Variants in LMF1 observed in about 807,000 individuals in gnomAD.
The protein encoded by LMF1 is lipase maturation factor 1.
LMF1 carries 68 observed loss-of-function variants against 60.6 expected under a neutral mutation model. That is an observed-to-expected ratio of 1.12 (90% confidence interval 0.92 to 1.37). LMF1 has a LOEUF of 1.37. LMF1 is among the 40% of genes most tolerant of loss of function. The pLI is 0.00. For missense variants in LMF1, 948 were observed against 767.2 expected (o/e 1.24, Z -2.78); for synonymous variants, 418 against 324.7 (o/e 1.29, Z -3.09).
chr16:968,509 C>G (rs529763768), intron 1 of LMF1: 1 of 152,170 alleles, frequency 6.6e-6, no homozygotes, highest in East Asian at 1.9e-4. Flanking sequence ...CAGGGAGTAG[C>G]GCACAGTCCC....
chr16:867,918 G>T (rs887804486), intron 10 of LMF1, among the ~76,000 whole-genome samples: 2 of 152,112 alleles, frequency 1.3e-5, no homozygotes, highest in Non-Finnish European at 2.9e-5. Context: ...CCGCCCTCCG[G>T]CTCCTTGGCT....
chr16:877,565 CTGA>C (rs1218439923), intron 6 of LMF1, among the ~76,000 whole-genome samples: 1 of 152,154 alleles, frequency 6.6e-6, no homozygotes, highest in African/African-American at 2.4e-5. Context: ...CATCTCGTGA[CTGA>C]TGGAGAAACG....
chr16:865,043 G>T (rs1267035015), intron 10 of LMF1, among the ~76,000 whole-genome samples: 1 of 152,072 alleles, frequency 6.6e-6, no homozygotes, highest in Non-Finnish European at 1.5e-5. Flanking sequence ...CTTTCCTATG[G>T]GTTATGTAAG....
chr16:895,613 C>T (rs985043224), intron 4 of LMF1, among the ~76,000 whole-genome samples: 6 of 152,220 alleles, frequency 3.9e-5, no homozygotes, highest in South Asian at 2.1e-4. Flanking sequence ...ACATGGGGCT[C>T]GCGAGACTGG....
intron 6 of LMF1, chr16:872,994 T>TG (rs1449183482): frequency 6.6e-6 from 1 of 152,168 alleles, no homozygotes; most frequent in Non-Finnish European, 1.5e-5. Context: ...GTGGGCTCAG[T>TG]GGGGAACTCT....
At chr16:931,237 T>G (rs2071774333) in intron 3 of LMF1, among the ~76,000 whole-genome samples, 1 of 152,242 alleles carries the variant, frequency 6.6e-6, no homozygotes, top group South Asian at 2.1e-4. Context: ...TCATTTAGTT[T>G]TAATTAATTT....
At chr16:964,816 T>A (rs2072890391) in intron 1 of LMF1, among the ~76,000 whole-genome samples, 1 of 152,226 alleles carries the variant, frequency 6.6e-6, no homozygotes, top group South Asian at 2.1e-4. Context: ...CTACAAGGGC[T>A]GCGGTGAGAC....
At chr16:889,148 G>A (rs1302265473) in intron 5 of LMF1, among the ~76,000 whole-genome samples, 2 of 152,232 alleles carry the variant, frequency 1.3e-5, no homozygotes, top group East Asian at 3.8e-4. Flanking sequence ...AGAGATCTGG[G>A]AACACGACGT....
rs74624235 is a variant in LMF1, at chr16:860,265, C to T, written c.1530-5559G>A. ...TTTTAATGAATTTCAATTAATTTTT[C>T]CTTTCACAGATCATCTTTAAGTATA... On this transcript the variant is annotated intron_variant, in intron 10 of 10. Coordinates refer to ENST00000262301, the MANE Select transcript of LMF1 (RefSeq NM_022773.4). Among the ~76,000 whole-genome samples, 1,073 of 152,024 alleles carry T rather than the reference C, an allele frequency of 7.1e-3. 6 individuals are homozygous for T. The highest frequency in any genetic ancestry group is 0.025 in the African/African-American group (1,019 of 41,460).
At chr16:888,155 G>A (rs955414960) in intron 5 of LMF1, among the ~76,000 whole-genome samples, 15 of 152,000 alleles carry the variant, frequency 9.9e-5, no homozygotes, top group African/African-American at 2.7e-4. Context: ...CCAAGCCTTG[G>A]GGTGCAGGGG....
chr16:955,018 A>ACG (rs2072644890), intron 1 of LMF1, among the ~76,000 whole-genome samples: 4 of 151,632 alleles, frequency 2.6e-5, no homozygotes, highest in East Asian at 3.9e-4. Context: ...CCTGCAGCAG[A>ACG]TGCGGTGTGT....
chr16:954,593 C>T lies in LMF1; in HGVS notation c.267G>A (p.Val89=). ...IGDRGLLPCR[V]FLKNFQQYFQ... is the part of the protein sequence containing the mutation. Reference sequence around the variant, plus strand: ...AGTACTGCTGGAAGTTCTTCAGGAACACTCTGCAGGGAAGCAGCCCCCTGT... The same window carrying T: ...AGTACTGCTGGAAGTTCTTCAGGAATACTCTGCAGGGAAGCAGCCCCCTGT... The change falls in exon 2 of 11, where the codon GTG becomes GTA. Residue 89 remains valine, a synonymous_variant. Transcript: ENST00000262301. 6.2e-7 allele frequency: 1 copy of T among 1,612,832 alleles called. No homozygotes were observed. Among genetic ancestry groups the T allele is most frequent in the Non-Finnish European group, 8.5e-7 (1 of 1,179,462 alleles).
intron 10 of LMF1, among the ~76,000 whole-genome samples, chr16:863,113 A>G (rs1232022866): frequency 6.6e-6 from 1 of 152,166 alleles, no homozygotes; most frequent in African/African-American, 2.4e-5. Context: ...TTATGTATGT[A>G]GATGTTTGTC....
At chr16:977,189 C>T (rs945867232) in intron 1 of LMF1, 7 of 434,514 alleles carry the variant, frequency 1.6e-5, no homozygotes, top group African/African-American at 8.1e-5. Context: ...CTCAGGCAGA[C>T]GCCACCCCAG....
intron 2 of LMF1, 33 bp downstream of exon 2, chr16:954,324 C>G (rs1172539198): frequency 4.4e-6 from 7 of 1,599,544 alleles, no homozygotes; most frequent in South Asian, 2.3e-5. Flanking sequence ...ACAGCAAGCC[C>G]TAAGCTCCGA....
At chr16:941,222 A>T (rs138193989) in intron 2 of LMF1, among the ~76,000 whole-genome samples, 1 of 151,302 alleles carries the variant, frequency 6.6e-6, no homozygotes, top group Non-Finnish European at 1.5e-5. Context: ...TTGATACCTG[A>T]TTTTTTTAAA....
intron 2 of LMF1, among the ~76,000 whole-genome samples, chr16:948,155 GAGCCAACGACAGAGTC>G (rs1209125420): frequency 8.4e-5 from 12 of 142,242 alleles, no homozygotes; most frequent in South Asian, 2.2e-4. Context: ...GACAGAGTCA[GAGCCAACGACAGAGTC>G]AGCCAACGAC....
upstream of LMF1, chr16:981,347 A>AGTGTGTGT (rs752216162): frequency 9.7e-4 from 93 of 96,328 alleles, 2 homozygotes; most frequent in African/African-American, 2.4e-3. Flanking sequence ...AGAGAGAGAG[A>AGTGTGTGT]GTGTGTGTGT....
intron 2 of LMF1, among the ~76,000 whole-genome samples, chr16:939,728 T>TA (rs902407080): frequency 1.6e-4 from 25 of 152,320 alleles, no homozygotes; most frequent in Admixed American, 8.5e-4. Flanking sequence ...TGACGGGAAG[T>TA]AAAAAAACTT....
Sources: allele counts gnomAD v4.1 joint callset (sites outside exome capture counted in the v4.1 genomes callset), GRCh38; gene constraint gnomAD v4.1.1; transcripts MANE v1.5; gene names NCBI Gene and HGNC (gene_info 2026-07-23, HGNC 2026-07-21).